Variants in KLHL32 observed in about 807,000 individuals in gnomAD.
KLHL32 encodes kelch-like protein 32.
In KLHL32, 35 loss-of-function variants were observed where a neutral mutation model predicts 64.8. The ratio of observed to expected loss-of-function variants is 0.54; its 90% CI spans 0.41 to 0.72. The LOEUF is 0.72. Ranked by LOEUF, KLHL32 falls within the 30% of genes least tolerant of loss-of-function variation. The probability of loss-of-function intolerance (pLI) is 0.00; values close to 1 mark genes in which losing one functional copy is unlikely to be tolerated. For missense variants in KLHL32, 589 were observed against 768.5 expected, an observed-to-expected ratio of 0.77 and a Z score of 2.76; for synonymous variants, 259 against 281.0, an observed-to-expected ratio of 0.92 and a Z score of 0.78.
chr6:96,940,782 A>G (rs1024243352), intron 1 of KLHL32, among the ~76,000 whole-genome samples: 4 of 152,326 alleles, frequency 2.6e-5, no homozygotes, highest in Non-Finnish European at 4.4e-5. Context: ...CATTTAGCAG[A>G]CGTTATTGGA....
At chr6:97,040,069 A>C (rs775028004) in intron 3 of KLHL32, among the ~76,000 whole-genome samples, 3 of 152,128 alleles carry the variant, frequency 2.0e-5, no homozygotes, top group Non-Finnish European at 4.4e-5. Flanking sequence ...ATATTGATAC[A>C]TTGGCAAAAG....
At chr6:97,083,622 G>A (rs907568201) in intron 5 of KLHL32, among the ~76,000 whole-genome samples, 3 of 152,140 alleles carry the variant, frequency 2.0e-5, no homozygotes, top group Admixed American at 6.5e-5. Context: ...TTTTTTAAAA[G>A]TCTAGAAGTA....
At chr6:97,111,033 G>GT (rs373739395) in intron 6 of KLHL32, among the ~76,000 whole-genome samples, 8 of 151,064 alleles carry the variant, frequency 5.3e-5, no homozygotes, top group African/African-American at 2.0e-4. Context: ...AAAGTCTTGG[G>GT]GGGGGGGGGT....
chr6:97,061,797 T>A (rs911085498), intron 4 of KLHL32, among the ~76,000 whole-genome samples: 1 of 152,212 alleles, frequency 6.6e-6, no homozygotes, highest in Non-Finnish European at 1.5e-5. Context: ...CACCACACTG[T>A]AAATCATGAG....
intron 3 of KLHL32, among the ~76,000 whole-genome samples, chr6:97,023,555 T>C (rs1358472098): frequency 6.6e-6 from 1 of 152,228 alleles, no homozygotes; most frequent in African/African-American, 2.4e-5. Flanking sequence ...TTACTGATGC[T>C]GAGATTCATT....
chr6:97,139,483 G>A lies in KLHL32; in HGVS notation c.*201G>A. 1.8e-6 allele frequency: 1 copy of A among 544,712 alleles called. No homozygotes were observed. The highest frequency in any genetic ancestry group is 3.2e-6 in the Non-Finnish European group (1 of 307,880). The allele number at this position is 544,712 out of a possible 1,614,324, so 33.7% of individuals were successfully genotyped here. ...CTCAGTGTATGTCAACATTCAATAT[G>A]TATGACTTTTATTGTGGTATAGCTT... On this transcript the variant is annotated 3_prime_UTR_variant, in exon 11 of 11. Transcript: ENST00000369261.
chr6:97,066,398 G>A (rs998891494), intron 5 of KLHL32, among the ~76,000 whole-genome samples: 6 of 152,200 alleles, frequency 3.9e-5, no homozygotes, highest in African/African-American at 1.4e-4. Context: ...TATCCCATCA[G>A]ATGGGTGATC....
At chr6:96,914,101 G>T in the KLHL32 span, among the ~76,000 whole-genome samples, 1 of 152,188 alleles carries the variant, frequency 6.6e-6, no homozygotes, top group East Asian at 1.9e-4. Flanking sequence ...GAAAGCGGGG[G>T]AATCTACAAG....
Position 96,976,166 on chromosome 6 carries a change from G to T in KLHL32, c.193G>T (p.Asp65Tyr). 6.4e-7 allele frequency: 1 copy of T among 1,559,588 alleles called. No homozygotes were observed. The highest frequency in any genetic ancestry group is 8.7e-7 in the Non-Finnish European group (1 of 1,146,282). ...AHKAVLAACS[D>Y]YFRAMFSLCM... is the part of the protein sequence containing the mutation. ...CAAGGCAGTCCTAGCAGCATGCAGT[G>T]ACTATTTCCGGGTAAGTCAGCATTG... is the stretch of plus-strand genomic sequence containing the variant. Residue 65 changes from aspartate to tyrosine, a missense_variant, in exon 3 of 11, where the codon GAC becomes TAC. Asp to Tyr is a radical substitution (Grantham distance 160). Coordinates refer to ENST00000369261, the MANE Select transcript of KLHL32 (RefSeq NM_052904.4).
At chr6:96,967,972 G>C (rs1037071577) in intron 2 of KLHL32, among the ~76,000 whole-genome samples, 1 of 152,074 alleles carries the variant, frequency 6.6e-6, no homozygotes, top group African/African-American at 2.4e-5. Context: ...ATCCTCTGAG[G>C]GAACAGTCAA....
At chr6:97,046,949 T>C (rs192753698) in intron 4 of KLHL32, among the ~76,000 whole-genome samples, 2 of 152,370 alleles carry the variant, frequency 1.3e-5, no homozygotes, top group East Asian at 3.9e-4. Context: ...ATTATATGTT[T>C]AGTCAGTTGT....
chr6:97,041,443 C>T (rs997402415), intron 3 of KLHL32, 49 bp from the exon 4 acceptor site: 1 of 1,257,804 alleles, frequency 8.0e-7, no homozygotes, highest in Admixed American at 1.7e-5. Flanking sequence ...TGTCTTGCTC[C>T]CTTGCTGTCA....
At chr6:97,115,385 C>T (rs2128211732) in intron 7 of KLHL32, among the ~76,000 whole-genome samples, 1 of 152,304 alleles carries the variant, frequency 6.6e-6, no homozygotes, top group Admixed American at 6.5e-5. Context: ...ACCCTTCATT[C>T]CTATTTACTC....
chr6:96,946,426 G>A (rs776138204), intron 1 of KLHL32, among the ~76,000 whole-genome samples: 1 of 152,032 alleles, frequency 6.6e-6, no homozygotes, highest in Admixed American at 6.6e-5. Context: ...GCTCCACAGG[G>A]CAGGCATTTT....
intron 5 of KLHL32, among the ~76,000 whole-genome samples, chr6:97,069,052 T>G (rs1255476897): frequency 6.6e-6 from 1 of 152,154 alleles, no homozygotes; most frequent in African/African-American, 2.4e-5. Context: ...TGCATTTGTT[T>G]TGTTTTCTGT....
chr6:96,947,661 A>C (rs1046640793), intron 1 of KLHL32, among the ~76,000 whole-genome samples: 3 of 152,236 alleles, frequency 2.0e-5, no homozygotes, highest in Non-Finnish European at 4.4e-5. Context: ...ACTCTGGCAT[A>C]ATAATGATTA....
upstream of KLHL32, among the ~76,000 whole-genome samples, chr6:96,920,559 AACACACACAATT>A (rs1017497278): frequency 9.9e-5 from 15 of 151,952 alleles, no homozygotes; most frequent in African/African-American, 3.6e-4. Flanking sequence ...AAAATGGAAA[AACACACACAATT>A]ACACACACAC....
At chr6:96,915,480 G>A in the KLHL32 span, among the ~76,000 whole-genome samples, 1 of 152,182 alleles carries the variant, frequency 6.6e-6, no homozygotes, top group Admixed American at 6.5e-5. Context: ...AGAGCTCAGT[G>A]GAAGGAATAG....
At chr6:96,946,457 T>G (rs967831952) in intron 1 of KLHL32, among the ~76,000 whole-genome samples, 12 of 152,198 alleles carry the variant, frequency 7.9e-5, no homozygotes, top group Non-Finnish European at 1.5e-4. Flanking sequence ...TTCACTGATA[T>G]GTCCCAAGAA....
Sources: allele counts gnomAD v4.1 joint callset (sites outside exome capture counted in the v4.1 genomes callset), GRCh38; gene constraint gnomAD v4.1.1; transcripts MANE v1.5; gene names NCBI Gene and HGNC (gene_info 2026-07-23, HGNC 2026-07-21).